DBT: variants seen among roughly 807,000 people sequenced by gnomAD.
DBT encodes lipoamide acyltransferase component of branched-chain alpha-keto acid dehydrogenase complex, mitochondrial.
In DBT, 40 loss-of-function variants were observed where a neutral mutation model predicts 51.3. The ratio of observed to expected loss-of-function variants is 0.78; its 90% confidence interval spans 0.61 to 1.02. The LOEUF is 1.02. DBT is among the 50% of genes least tolerant of loss of function. The pLI is 0.00. For synonymous variants in DBT, 181 were observed against 190.4 expected, an observed-to-expected ratio of 0.95 and a Z score of 0.41; for missense variants, 510 against 580.2, an observed-to-expected ratio of 0.88 and a Z score of 1.24.
At chr1:100,249,089 G>A in intron 1 of DBT, 1 of 988,454 alleles carries the variant, frequency 1.0e-6, no homozygotes, top group Non-Finnish European at 1.2e-6. Flanking sequence ...GGAGCATCTA[G>A]GGAAAGGGAG....
At chr1:100,211,435 G>C (rs1242686285) in intron 7 of DBT, among the ~76,000 whole-genome samples, 1 of 152,080 alleles carries the variant, frequency 6.6e-6, no homozygotes, top group Non-Finnish European at 1.5e-5. Context: ...TAATAATCAA[G>C]TTTCATACCT....
chr1:100,204,019 G>A (rs1047112628), intron 10 of DBT, among the ~76,000 whole-genome samples: 1 of 152,142 alleles, frequency 6.6e-6, no homozygotes, highest in Non-Finnish European at 1.5e-5. Flanking sequence ...AAAGCTGGAA[G>A]CATTCCCTCT....
At chr1:100,211,175 A>G in intron 7 of DBT, 1 of 771,710 alleles carries the variant, frequency 1.3e-6, no homozygotes, top group Admixed American at 1.7e-5. Context: ...CTGTGTGGAA[A>G]GAACACGTAA....
rs568164451 is a variant in DBT at position 100,217,445 on chromosome 1, A to G, written c.555+1181T>C. Among the ~76,000 whole-genome samples, 4 of 152,332 alleles carry G rather than the reference A, an allele frequency of 2.6e-5. No individual in the cohort carries two copies. The South Asian group carries it at 8.3e-4, about 32-fold the overall frequency. On this transcript the variant is annotated intron_variant, in intron 5 of 10. Transcript: ENST00000370132. ...TAACATTTTATCAAGGATACATAACATAATTTGAATGTGTATGCATCTTCT... is the reference window on the plus strand; with the variant it reads ...TAACATTTTATCAAGGATACATAACGTAATTTGAATGTGTATGCATCTTCT...
intron 1 of DBT, among the ~76,000 whole-genome samples, chr1:100,246,112 A>G (rs1023383210): frequency 2.0e-5 from 3 of 151,636 alleles, no homozygotes; most frequent in Non-Finnish European, 4.4e-5. Context: ...AAATACAAAA[A>G]TTAGCTGGGC....
chr1:100,196,546 GA>G (rs534459082), intron 10 of DBT, 124 bp from the exon 11 acceptor site: 15,749 of 1,398,170 alleles, frequency 0.011, 324 homozygotes, highest in Non-Finnish European at 0.013. Context: ...GTACAGTACA[GA>G]AAAAAATGGG....
At chr1:100,240,681 T>A in intron 2 of DBT, 80 bp downstream of exon 2, 1 of 1,187,902 alleles carries the variant, frequency 8.4e-7, no homozygotes, top group Non-Finnish European at 1.2e-6. Context: ...GTTTAAAAAG[T>A]CTCAATCAAC....
At chr1:100,248,454 T>C (rs1340074588) in intron 1 of DBT, among the ~76,000 whole-genome samples, 1 of 152,162 alleles carries the variant, frequency 6.6e-6, no homozygotes, top group Non-Finnish European at 1.5e-5. Context: ...GTAGGATATA[T>C]GGGTTTGGAG....
intron 4 of DBT, among the ~76,000 whole-genome samples, chr1:100,225,686 G>T (rs1570829711): frequency 6.6e-6 from 1 of 152,006 alleles, no homozygotes; most frequent in African/African-American, 2.4e-5. Context: ...TTAGCCAGGT[G>T]TGGTGGCACA....
chr1:100,198,404 C>T (rs1203780927), intron 10 of DBT, among the ~76,000 whole-genome samples: 2 of 152,116 alleles, frequency 1.3e-5, no homozygotes, highest in Non-Finnish European at 2.9e-5. Context: ...GTTCTGGAGA[C>T]AGATGGTGGT....
intron 1 of DBT, chr1:100,249,122 T>G: frequency 1.0e-6 from 1 of 986,920 alleles, no homozygotes; most frequent in Non-Finnish European, 1.2e-6. Context: ...GAAGAAACAC[T>G]AAGCAAATAG....
At chr1:100,205,607 C>T (rs1207925568) in intron 10 of DBT, among the ~76,000 whole-genome samples, 1 of 152,150 alleles carries the variant, frequency 6.6e-6, no homozygotes, top group East Asian at 1.9e-4. Flanking sequence ...TGAGTATATA[C>T]CCAAAGGATT....
chr1:100,240,682 C>A (rs983524019), intron 2 of DBT, 79 bp downstream of exon 2: 24 of 1,200,406 alleles, frequency 2.0e-5, no homozygotes, highest in Non-Finnish European at 2.6e-5. Flanking sequence ...TTTAAAAAGT[C>A]TCAATCAACT....
intron 4 of DBT, among the ~76,000 whole-genome samples, chr1:100,225,616 G>GA (rs1332405741): frequency 2.0e-5 from 3 of 151,984 alleles, no homozygotes; most frequent in African/African-American, 7.3e-5. Flanking sequence ...CTTGAGGCCA[G>GA]AAGTTCAAGA....
intron 4 of DBT, among the ~76,000 whole-genome samples, 157 bp from the exon 5 acceptor site, chr1:100,218,904 C>T (rs1662653548): frequency 6.9e-6 from 1 of 144,188 alleles, no homozygotes; most frequent in African/African-American, 2.6e-5. Context: ...AATAGGAAAA[C>T]ACAACTATCC....
chr1:100,218,512 C>A, intron 5 of DBT, 114 bp downstream of exon 5: 1 of 1,195,358 alleles, frequency 8.4e-7, no homozygotes, highest in Non-Finnish European at 1.2e-6. Flanking sequence ...CAAATATCTT[C>A]ATGTTTCCTT....
intron 1 of DBT, among the ~76,000 whole-genome samples, chr1:100,247,588 A>G (rs1376816071): frequency 6.6e-6 from 1 of 150,622 alleles, no homozygotes; most frequent in African/African-American, 2.4e-5. Flanking sequence ...AGTGCCAGCT[A>G]CTTGGGAGGC....
chr1:100,210,951 C>A, intron 7 of DBT, 180 bp from the exon 8 acceptor site: 1 of 1,163,510 alleles, frequency 8.6e-7, no homozygotes, highest in South Asian at 1.4e-5. Flanking sequence ...CCATGTGGAA[C>A]TAGGTCACCC....
At position 100,218,661 on chromosome 1, in the gene DBT, T is replaced by C. The variant is rs200024953; in HGVS notation, c.520A>G (p.Thr174Ala). ...ATTGCCAGACGGCGAACTGCAGGAG[T>C]TGCCAGTGTTTTTCGGCCCTTTATC... The part of the protein sequence containing the change: ...QEIKGRKTLA[T>A]PAVRRLAMEN... Residue 174 changes from threonine to alanine, a missense_variant, in exon 5 of 11, where the codon ACT becomes GCT. Thr to Ala is a moderately conservative substitution (Grantham distance 58). Coordinates refer to ENST00000370132, the MANE Select transcript of DBT (RefSeq NM_001918.5). 1 of 1,614,020 alleles carries C rather than the reference T, an allele frequency of 6.2e-7. No individual in the cohort carries two copies. The highest frequency in any genetic ancestry group is 1.7e-4 in the Middle Eastern group (1 of 6,060).
Sources: gnomAD v4.1 joint callset for allele counts (sites outside exome capture counted in the v4.1 genomes callset) on GRCh38, gnomAD v4.1.1 for gene constraint, MANE v1.5 for transcripts, NCBI Gene and HGNC (gene_info 2026-07-23, HGNC 2026-07-21) for gene names.